Variants in RB1 observed in about 807,000 individuals in gnomAD.
The protein encoded by RB1 is retinoblastoma-associated protein.
RB1 carries 18 observed loss-of-function variants against 135.4 expected under a neutral mutation model. The ratio of observed to expected loss-of-function variants is 0.13; its 90% CI spans 0.09 to 0.20. RB1 has a LOEUF of 0.20. RB1 is among the 10% of genes least tolerant of loss of function. The pLI, the probability that RB1 is intolerant of heterozygous loss-of-function variation, is 1.00. For synonymous variants in RB1, 365 were observed against 373.2 expected (o/e 0.98, Z 0.25); for missense variants, 868 against 1,110.0 (o/e 0.78, Z 3.10).
Position 48,380,239 on chromosome 13 carries a change from G to A in RB1, c.1496G>A (p.Ser499Asn), listed in dbSNP as rs774706300. The A allele has an allele frequency of 1.9e-6, 3 of 1,588,942 alleles. No individual in the cohort carries two copies. Among genetic ancestry groups the A allele is most frequent in the Non-Finnish European group, 2.6e-6 (3 of 1,159,642 alleles). The change falls in exon 16 of 27, where the codon AGC (serine) becomes AAC (asparagine). Residue 499 changes from serine (S) to asparagine (N), a missense_variant and splice_region_variant. Ser to Asn is a conservative substitution (Grantham distance 46). Transcript: ENST00000267163. ...CALEVVMATY[S>N]RSTSQNLDSG... The stretch of plus-strand genomic sequence containing the variant: ...CTTGAGGTTGTAATGGCCACATATA[G>A]CAGTAAGTTAAATTTTCATAAATAA...
At chr13:48,371,514 A>G (rs572116800) in intron 11 of RB1, among the ~76,000 whole-genome samples, 3 of 152,264 alleles carry the variant, frequency 2.0e-5, no homozygotes, top group Admixed American at 1.3e-4. Context: ...TGAACCAACG[A>G]TAGTGGTGGG....
chr13:48,395,383 C>A (rs1566204294), intron 17 of RB1, among the ~76,000 whole-genome samples: 1 of 151,898 alleles, frequency 6.6e-6, no homozygotes, highest in Non-Finnish European at 1.5e-5. Context: ...GGGAGTTTGA[C>A]GAATTGACAG....
intron 11 of RB1, among the ~76,000 whole-genome samples, chr13:48,372,876 A>G (rs1182279975): frequency 1.3e-5 from 2 of 152,184 alleles, no homozygotes; most frequent in African/African-American, 4.8e-5. Context: ...ATACACACAC[A>G]TAAAATTATA....
At chr13:48,351,700 G>A (rs530619092) in intron 6 of RB1, among the ~76,000 whole-genome samples, 1 of 151,252 alleles carries the variant, frequency 6.6e-6, no homozygotes, top group Admixed American at 6.6e-5. Context: ...TTGAGACAGA[G>A]TCTCACTCTG....
intron 17 of RB1, chr13:48,411,456 T>C (rs1948799174): frequency 1.2e-6 from 2 of 1,613,308 alleles, no homozygotes; most frequent in Non-Finnish European, 1.7e-6. Context: ...AATAAAATTC[T>C]CTGCACCATG....
In RB1 at chr13:48,380,193, A is replaced by G. The variant is rs1391587135; in HGVS notation, c.1450A>G (p.Met484Val). 6.3e-7 allele frequency: 1 copy of G among 1,594,672 alleles called. No individual in the cohort carries two copies. The highest frequency in any genetic ancestry group is 2.3e-5 in the East Asian group (1 of 44,254). Residue 484 changes from methionine to valine, a missense_variant, in exon 16 of 27, where the codon ATG becomes GTG. This residue lies in a region of RB1 where 641 missense variants were observed against 791.3 expected (regional missense o/e 0.81). Transcript: ENST00000267163. ...SKLLNDNIFH[M>V]SLLACALEVV... Reference sequence around the variant, plus strand: ...ACTTCTGAATGACAACATTTTTCATATGTCTTTATTGGCGTGCGCTCTTGA... The same window carrying G: ...ACTTCTGAATGACAACATTTTTCATGTGTCTTTATTGGCGTGCGCTCTTGA...
chr13:48,305,292 A>C (rs1018746208), intron 1 of RB1, among the ~76,000 whole-genome samples: 4 of 152,324 alleles, frequency 2.6e-5, no homozygotes, highest in African/African-American at 9.6e-5. Flanking sequence ...CTGGAAGGCT[A>C]TTAAAAATTT....
intron 23 of RB1, among the ~76,000 whole-genome samples, chr13:48,471,777 A>G (rs1949472531): frequency 6.6e-6 from 1 of 152,144 alleles, no homozygotes; most frequent in Admixed American, 6.5e-5. Flanking sequence ...TTTGCAGTTT[A>G]TTGGATGTCC....
At chr13:48,362,785 T>C in intron 7 of RB1, 30 bp from the exon 8 acceptor site, 2 of 1,600,472 alleles carry the variant, frequency 1.2e-6, no homozygotes, top group Non-Finnish European at 1.7e-6. Flanking sequence ...GGATGTACAA[T>C]TGTTCTTATC....
At chr13:48,316,702 C>G (rs1952185822) in intron 2 of RB1, among the ~76,000 whole-genome samples, 1 of 148,240 alleles carries the variant, frequency 6.7e-6, no homozygotes, top group African/African-American at 2.5e-5. Flanking sequence ...TTTCTCCTCC[C>G]TGCAACCACA....
intron 19 of RB1, among the ~76,000 whole-genome samples, chr13:48,457,684 T>C (rs575999907): frequency 6.6e-6 from 1 of 152,124 alleles, no homozygotes; most frequent in African/African-American, 2.4e-5. Flanking sequence ...CCGCCTCGGC[T>C]TCCCCCCCGT....
chr13:48,356,849 T>A (rs1393424664), intron 6 of RB1, among the ~76,000 whole-genome samples: 1 of 152,056 alleles, frequency 6.6e-6, no homozygotes, highest in African/African-American at 2.4e-5. Context: ...ATGTTTGACA[T>A]GTTTAGGAAT....
intron 17 of RB1, among the ~76,000 whole-genome samples, chr13:48,387,421 T>G (rs934051005): frequency 2.6e-5 from 4 of 152,108 alleles, no homozygotes; most frequent in Non-Finnish European, 4.4e-5. Context: ...GAAAACATGA[T>G]GTTGAAAGAA....
chr13:48,304,064 C>T lies in RB1; in HGVS notation c.137+15C>T, dbSNP rs763972315. The T allele has an allele frequency of 9.9e-6, 14 of 1,408,808 alleles. No homozygotes were observed. The East Asian group carries it at 4.2e-4, about 43-fold the overall frequency. 87.3% of individuals were successfully genotyped at this position (1,408,808 alleles called of 1,614,324 possible). On this transcript the variant is annotated intron_variant, in intron 1 of 26. Transcript: ENST00000267163. ...CCTCTCGTCAGGTGAGCGAGCAGAGCCGCCGTCGCCTCACGCGGGAAGGGC... is the reference window on the plus strand; with the variant it reads ...CCTCTCGTCAGGTGAGCGAGCAGAGTCGCCGTCGCCTCACGCGGGAAGGGC...
intron 17 of RB1, among the ~76,000 whole-genome samples, chr13:48,386,247 G>A (rs1473022550): frequency 6.6e-6 from 1 of 152,092 alleles, no homozygotes; most frequent in Non-Finnish European, 1.5e-5. Context: ...CTTCATTTAG[G>A]CAACTTTGTC....
intron 2 of RB1, among the ~76,000 whole-genome samples, chr13:48,330,286 A>G (rs1389712951): frequency 6.6e-6 from 1 of 152,118 alleles, no homozygotes; most frequent in Non-Finnish European, 1.5e-5. Flanking sequence ...AAAAAGAACA[A>G]ATAAGCCCAA....
At chr13:48,456,412 T>C in intron 19 of RB1, 63 bp downstream of exon 19, 2 of 1,587,442 alleles carry the variant, frequency 1.3e-6, no homozygotes, top group South Asian at 2.3e-5. Flanking sequence ...GTTCAAATCA[T>C]GTTTCTTCTA....
At chr13:48,311,305 TATG>T (rs1214129317) in intron 2 of RB1, among the ~76,000 whole-genome samples, 1 of 152,232 alleles carries the variant, frequency 6.6e-6, no homozygotes, top group Non-Finnish European at 1.5e-5. Flanking sequence ...ATTTTTGTGA[TATG>T]GTGGTTATAT....
At chr13:48,396,404 CCCT>C (rs1280139056) in intron 17 of RB1, among the ~76,000 whole-genome samples, 1 of 152,158 alleles carries the variant, frequency 6.6e-6, no homozygotes, top group Non-Finnish European at 1.5e-5. Flanking sequence ...GGAAAGGATT[CCCT>C]ATTTAATAAA....
Sources: allele counts gnomAD v4.1 joint callset (sites outside exome capture counted in the v4.1 genomes callset), GRCh38; gene constraint gnomAD v4.1.1; regional missense constraint gnomAD v4.1.1; transcripts MANE v1.5; gene names NCBI Gene and HGNC (gene_info 2026-07-23, HGNC 2026-07-21).